Variants in UTY observed in about 807,000 individuals in gnomAD.
UTY encodes histone demethylase UTY.
In UTY, 12 loss-of-function variants were observed where a neutral mutation model predicts 32.5. That is an observed-to-expected ratio of 0.37 (90% confidence interval 0.24 to 0.60). The LOEUF is 0.60. Ranked by LOEUF, UTY falls within the 20% of genes least tolerant of loss-of-function variation. The pLI is 0.69. For synonymous variants in UTY, 131 were observed against 103.4 expected, an observed-to-expected ratio of 1.27 and a Z score of -1.62; for missense variants, 303 against 299.2, an observed-to-expected ratio of 1.01 and a Z score of -0.09.
chrY:13,406,631 G>C, intron 6 of UTY, among the ~76,000 whole-genome samples: 1 of 30,681 alleles, frequency 3.3e-5, no homozygotes, highest in Non-Finnish European at 7.9e-5. Context: ...AGCATATGTA[G>C]ACATAAGCAA....
chrY:13,390,214 C>G, intron 8 of UTY, among the ~76,000 whole-genome samples: 6 of 31,323 alleles, frequency 1.9e-4, no homozygotes, highest in Admixed American at 5.9e-4. Flanking sequence ...TTTCCTTTTT[C>G]TTCCCAATAA....
chrY:13,327,690 G>A (rs548608581), intron 18 of UTY, among the ~76,000 whole-genome samples: 2,818 of 33,058 alleles, frequency 0.085, no homozygotes, highest in East Asian at 0.058. Context: ...TGACCCATAG[G>A]TTTAGTTATA....
chrY:13,308,346 C>T (rs2058818818), intron 21 of UTY, among the ~76,000 whole-genome samples: 1 of 32,242 alleles, frequency 3.1e-5, no homozygotes, highest in Non-Finnish European at 7.6e-5. Flanking sequence ...AGGCCGGGTT[C>T]GGTGGCTTAC....
Position 13,414,773 on chromosome Y carries a change from G to T in UTY, c.396C>A (p.Gly132=). Residue 132 remains glycine (G), a synonymous_variant, in exon 5 of 30, where the codon GGC becomes GGA. Transcript: ENST00000545955. ...TGTAGTAGAAGTAGACCAAACCAAG[G>T]CCATATAAAAACGCAGCATTCTGTT... is the stretch of plus-strand genomic sequence containing the variant. ...DYWKNAAFLY[G]LGLVYFYYNA... The T allele has an allele frequency of 5.2e-6, 2 of 386,615 alleles. No homozygotes were observed. The highest frequency in any genetic ancestry group is 6.3e-5 in the African/African-American group (1 of 15,806).
chrY:13,296,404 GCA>G (rs2058035781), intron 27 of UTY, among the ~76,000 whole-genome samples: 1 of 33,541 alleles, frequency 3.0e-5, no homozygotes, highest in Non-Finnish European at 7.4e-5. Context: ...TTGAAGATTA[GCA>G]CCTGGCTCCC....
At chrY:13,379,964 A>T in intron 8 of UTY, among the ~76,000 whole-genome samples, 1 of 17,859 alleles carries the variant, frequency 5.6e-5, no homozygotes, top group Non-Finnish European at 1.2e-4. Flanking sequence ...GTGTGTATAT[A>T]AATATATATA....
At chrY:13,300,105 T>C in intron 25 of UTY, 1 of 129,982 alleles carries the variant, frequency 7.7e-6, no homozygotes, top group Non-Finnish European at 1.0e-5. Context: ...GAATGTCTAT[T>C]TGCATAAGCT....
At chrY:13,406,874 A>G in intron 6 of UTY, among the ~76,000 whole-genome samples, 3 of 30,488 alleles carry the variant, frequency 9.8e-5, no homozygotes, top group Non-Finnish European at 2.4e-4. Context: ...CATGTCTACA[A>G]TAATTAAGCT....
intron 4 of UTY, among the ~76,000 whole-genome samples, chrY:13,440,275 ATAAG>A (rs2075056861): frequency 3.0e-5 from 1 of 33,837 alleles, no homozygotes; most frequent in Admixed American, 2.7e-4. Context: ...TCATAAGTAG[ATAAG>A]TAAATAAGTA....
At chrY:13,360,625 T>C in intron 10 of UTY, 97 bp from the exon 11 acceptor site, 1 of 165,511 alleles carries the variant, frequency 6.0e-6, no homozygotes, top group South Asian at 5.0e-5. Context: ...GGCAAGCATA[T>C]GAGTATGTGT....
intron 25 of UTY, chrY:13,300,025 G>T: frequency 4.4e-6 from 1 of 225,766 alleles, no homozygotes; most frequent in Non-Finnish European, 5.3e-6. Context: ...TGAGTCAGGG[G>T]TGAGAAGGAG....
intron 27 of UTY, among the ~76,000 whole-genome samples, chrY:13,281,383 T>G: frequency 3.0e-5 from 1 of 33,554 alleles, no homozygotes; most frequent in Admixed American, 2.7e-4. Flanking sequence ...CACAGAATGA[T>G]GAAACAAAAA....
At chrY:13,273,055 A>G in intron 27 of UTY, among the ~76,000 whole-genome samples, 1 of 34,008 alleles carries the variant, frequency 2.9e-5, no homozygotes, top group East Asian at 7.6e-4. Flanking sequence ...TCTAAAAAGA[A>G]TGATTTCTAC....
intron 18 of UTY, among the ~76,000 whole-genome samples, chrY:13,329,194 A>C: frequency 3.0e-5 from 1 of 33,647 alleles, no homozygotes; most frequent in Non-Finnish European, 7.4e-5. Flanking sequence ...CAGTATGAGG[A>C]AAAGAGTTAT....
At chrY:13,323,473 T>C in intron 21 of UTY, 82 bp downstream of exon 21, 1 of 218,489 alleles carries the variant, frequency 4.6e-6, no homozygotes, top group South Asian at 3.7e-5. Flanking sequence ...CTATTAACAG[T>C]ATGCACTAGA....
intron 10 of UTY, among the ~76,000 whole-genome samples, chrY:13,364,227 TA>T (rs1603440019): frequency 2.2e-4 from 5 of 22,837 alleles, no homozygotes; most frequent in Admixed American, 1.2e-3. Flanking sequence ...CTACCCTATG[TA>T]AAAAAAAAAA....
intron 21 of UTY, among the ~76,000 whole-genome samples, chrY:13,306,663 C>CA (rs2058707171): frequency 9.3e-5 from 3 of 32,364 alleles, no homozygotes; most frequent in East Asian, 1.6e-3. Context: ...TATATTAAAA[C>CA]AAAAAAAGAT....
intron 4 of UTY, among the ~76,000 whole-genome samples, chrY:13,419,124 C>G (rs2149731387): frequency 2.4e-4 from 8 of 33,106 alleles, no homozygotes; most frequent in African/African-American, 9.5e-4. Flanking sequence ...GCTCTAAACC[C>G]ACCAATTAGA....
intron 27 of UTY, among the ~76,000 whole-genome samples, chrY:13,294,340 A>T: frequency 3.0e-5 from 1 of 33,895 alleles, no homozygotes; most frequent in Admixed American, 2.6e-4. Context: ...GGGTACCAAG[A>T]ATAAACATGG....
Sources: gnomAD v4.1 joint callset for allele counts (sites outside exome capture counted in the v4.1 genomes callset) on GRCh38, gnomAD v4.1.1 for gene constraint, MANE v1.5 for transcripts, NCBI Gene and HGNC (gene_info 2026-07-23, HGNC 2026-07-21) for gene names.